Variants in ZSCAN18 observed in about 807,000 individuals in gnomAD.
ZSCAN18 encodes the protein zinc finger and SCAN domain-containing protein 18.
A neutral mutation model predicts 31.1 loss-of-function variants in ZSCAN18; 16 were observed. That is an observed-to-expected ratio of 0.51 (90% CI 0.35 to 0.78). The LOEUF (loss-of-function observed/expected upper bound fraction) is 0.78. ZSCAN18 is among the 30% of genes least tolerant of loss of function. The probability of loss-of-function intolerance (pLI) is 0.01; values close to 1 mark genes in which losing one functional copy is unlikely to be tolerated. For missense variants in ZSCAN18, 731 were observed against 697.4 expected (o/e 1.05, Z -0.54); for synonymous variants, 375 against 320.7 (o/e 1.17, Z -1.81).
rs768133557 is a variant in ZSCAN18 at position 58,085,201 on chromosome 19, C to T, written c.1017G>A (p.Gln339=). Residue 339 remains glutamine, a synonymous_variant, in exon 7 of 7, where the codon CAG becomes CAA. Transcript: ENST00000601144. ...PGKAPDPQDP[Q]DAESDSATGS... ...CGGTGGCAGAGTCGGACTCCGCGTCCTGGGGGTCCTGCGGGTCCGGGGCCT... is the reference window on the plus strand; with the variant it reads ...CGGTGGCAGAGTCGGACTCCGCGTCTTGGGGGTCCTGCGGGTCCGGGGCCT... 105 of 1,609,520 alleles carry T rather than the reference C, an allele frequency of 6.5e-5. No homozygotes were observed. The highest frequency in any genetic ancestry group is 8.6e-5 in the Non-Finnish European group (101 of 1,179,432).
chr19:58,108,081 G>GTT, intron 1 of ZSCAN18: 1 of 994,310 alleles, frequency 1.0e-6, no homozygotes, highest in Non-Finnish European at 1.2e-6. Flanking sequence ...TTTTCACATT[G>GTT]TTTAACTCAT....
At position 58,083,902 on chromosome 19, in the gene ZSCAN18, A is replaced by C. The variant is rs760213895; in HGVS notation, c.*783T>G. 3.3e-5 allele frequency: 5 copies of C among 152,228 alleles called. No homozygotes were observed. The highest frequency in any genetic ancestry group is 6.5e-5 in the Admixed American group (1 of 15,282). 9.4% of individuals were successfully genotyped at this position (152,228 alleles called of 1,614,324 possible). Reference sequence around the variant, plus strand: ...AGACAGATCTTTATTAGTGTTTTCAACTTATTTTGCTCACAACTTCCCAGC... The same window carrying C: ...AGACAGATCTTTATTAGTGTTTTCACCTTATTTTGCTCACAACTTCCCAGC... On this transcript the variant is annotated 3_prime_UTR_variant, in exon 7 of 7. Coordinates refer to ENST00000601144, the MANE Select transcript of ZSCAN18 (RefSeq NM_001145543.2).
At position 58,091,348 on chromosome 19, in the gene ZSCAN18, A is replaced by G. The variant is rs80262862; in HGVS notation, c.-119-962T>C. On this transcript the variant is annotated intron_variant, in intron 1 of 6. Coordinates refer to ENST00000601144, the MANE Select transcript of ZSCAN18 (RefSeq NM_001145543.2). Reference sequence around the variant, plus strand: ...AGCTAGGTGTCAAGACTGTTCCTCCAGTTAAAACCACCACAAATCTGAAAT... The same window carrying G: ...AGCTAGGTGTCAAGACTGTTCCTCCGGTTAAAACCACCACAAATCTGAAAT... 1.7e-3 allele frequency among the ~76,000 whole-genome samples: 261 copies of G among 152,114 alleles called. 1 individual carries two copies. Among genetic ancestry groups the G allele is most frequent in the Non-Finnish European group, 3.0e-3 (202 of 68,000 alleles).
intron 2 of ZSCAN18, 72 bp downstream of exon 2, chr19:58,089,793 G>T: frequency 2.6e-6 from 4 of 1,515,076 alleles, no homozygotes; most frequent in Middle Eastern, 3.6e-4. Context: ...GCAAGCCATG[G>T]CTGGCACTGG....
At chr19:58,087,564 A>G (rs2074308542) in intron 3 of ZSCAN18, 160 bp from the exon 4 acceptor site, 1 of 640,708 alleles carries the variant, frequency 1.6e-6, no homozygotes, top group African/African-American at 1.8e-5. Context: ...CTGATTTACA[A>G]AGCAGCGCGG....
chr19:58,091,956 A>G (rs2074420529), intron 1 of ZSCAN18, among the ~76,000 whole-genome samples: 1 of 152,160 alleles, frequency 6.6e-6, no homozygotes, highest in African/African-American at 2.4e-5. Context: ...CAGGTCGTCA[A>G]GTTCTGCTCT....
At chr19:58,118,111 GGA>G (rs1460491924) in intron 1 of ZSCAN18, among the ~76,000 whole-genome samples, 4 of 152,026 alleles carry the variant, frequency 2.6e-5, no homozygotes, top group African/African-American at 7.2e-5. Context: ...CGCGCCTGGC[GGA>G]GAGAGTTCCT....
upstream of ZSCAN18, among the ~76,000 whole-genome samples, chr19:58,099,022 C>G (rs2074570131): frequency 6.6e-6 from 1 of 152,196 alleles, no homozygotes. Context: ...AGGATAGGGC[C>G]AGGAGCTGCT....
chr19:58,085,019 G>C lies in ZSCAN18; in HGVS notation c.1199C>G (p.Pro400Arg). The C allele has an allele frequency of 6.3e-7, 1 of 1,590,858 alleles. No homozygotes were observed. Among genetic ancestry groups the C allele is most frequent in the African/African-American group, 1.3e-5 (1 of 74,564 alleles). ...GGACAAGCCCGGCTCGTCAGCCCCA[G>C]GGCCCTGCCCGGCCTCCAGCCCTGC... The part of the protein sequence containing the change: ...DSAGLEAGQG[P>R]GADEPGLSRG... The change falls in exon 7 of 7, where the codon CCT becomes CGT. Residue 400 changes from proline to arginine, a missense_variant. Coordinates refer to ENST00000601144, the MANE Select transcript of ZSCAN18 (RefSeq NM_001145543.2).
intron 1 of ZSCAN18, among the ~76,000 whole-genome samples, chr19:58,112,021 TA>T (rs2074687236): frequency 6.6e-6 from 1 of 151,902 alleles, no homozygotes; most frequent in South Asian, 2.1e-4. Context: ...TGCCTTTCTT[TA>T]CTTTTTATTT....
chr19:58,104,240 A>T lies in ZSCAN18; in HGVS notation c.131-13854T>A, dbSNP rs561139041. Among the ~76,000 whole-genome samples the T allele has an allele frequency of 2.6e-5, 4 of 152,274 alleles. No homozygotes were observed. The East Asian group carries it at 7.7e-4, about 29-fold the overall frequency. On this transcript the variant is annotated intron_variant, in intron 1 of 1. Transcript: ENST00000595721. Reference sequence around the variant, plus strand: ...CTAAAAATACAAAAATTAGCTGGGCATGGTGGCGTGCGCCTGTAGTCCCAG... The same window carrying T: ...CTAAAAATACAAAAATTAGCTGGGCTTGGTGGCGTGCGCCTGTAGTCCCAG...
At chr19:58,100,761 T>A (rs1316342218), upstream of ZSCAN18, among the ~76,000 whole-genome samples, 1 of 150,942 alleles carries the variant, frequency 6.6e-6, no homozygotes, top group African/African-American at 2.4e-5. Context: ...CAGGTGCCTG[T>A]AATTGCAGCT....
intron 1 of ZSCAN18, among the ~76,000 whole-genome samples, chr19:58,111,871 G>A (rs933965520): frequency 2.6e-5 from 4 of 152,118 alleles, no homozygotes; most frequent in Admixed American, 6.5e-5. Context: ...GAGCAAGTAG[G>A]ACTGTTCATG....
At chr19:58,085,585 G>A (rs1415420320) in intron 6 of ZSCAN18, 1 of 542,480 alleles carries the variant, frequency 1.8e-6, no homozygotes, top group African/African-American at 2.0e-5. Flanking sequence ...TGTGGGACCT[G>A]GAGGCCTCCA....
intron 1 of ZSCAN18, among the ~76,000 whole-genome samples, chr19:58,097,299 C>G: frequency 6.6e-6 from 1 of 151,572 alleles, no homozygotes; most frequent in East Asian, 1.9e-4. Flanking sequence ...ATAGTCTGGA[C>G]GGGGGTAGAG....
At chr19:58,101,320 T>G (rs890415569), upstream of ZSCAN18, among the ~76,000 whole-genome samples, 1 of 123,962 alleles carries the variant, frequency 8.1e-6, no homozygotes, top group African/African-American at 2.8e-5. Context: ...TTTTTTTTTT[T>G]TTGTATTTTT....
At chr19:58,105,203 C>T (rs2074625700) in intron 1 of ZSCAN18, among the ~76,000 whole-genome samples, 1 of 152,204 alleles carries the variant, frequency 6.6e-6, no homozygotes, top group East Asian at 1.9e-4. Flanking sequence ...TGTTGAGAGA[C>T]TTCCTCCTGA....
At chr19:58,087,096 G>A (rs2145971071) in intron 4 of ZSCAN18, 88 bp from the exon 5 acceptor site, 8 of 1,224,542 alleles carry the variant, frequency 6.5e-6, no homozygotes, top group Admixed American at 2.1e-5. Flanking sequence ...AGCAGGCTAG[G>A]AGCCAGCCCT....
intron 3 of ZSCAN18, chr19:58,088,445 CT>C (rs1480717702): frequency 2.1e-6 from 1 of 472,126 alleles, no homozygotes; most frequent in Non-Finnish European, 3.8e-6. Context: ...AGATTCTTTT[CT>C]TTATGTATTG....
Sources: allele counts gnomAD v4.1 joint callset (sites outside exome capture counted in the v4.1 genomes callset), GRCh38; gene constraint gnomAD v4.1.1; transcripts MANE v1.5; gene names NCBI Gene and HGNC (gene_info 2026-07-23, HGNC 2026-07-21).